Variants in WASHC5 observed in about 807,000 individuals in gnomAD.
The protein encoded by WASHC5 is WASH complex subunit 5.
WASHC5 carries 101 observed loss-of-function variants against 150.4 expected under a neutral mutation model. The ratio of observed to expected loss-of-function variants is 0.67; its 90% CI spans 0.57 to 0.79. The LOEUF (loss-of-function observed/expected upper bound fraction) is 0.79, where lower values mean the gene tolerates loss of function less well. Among genes scored for constraint, WASHC5 ranks in the 30% least tolerant of loss-of-function variants. The pLI is 0.00. For missense variants in WASHC5, 1,195 were observed against 1,396.3 expected, an observed-to-expected ratio of 0.86 and a Z score of 2.30; for synonymous variants, 467 against 491.2, an observed-to-expected ratio of 0.95 and a Z score of 0.65.
intron 26 of WASHC5, chr8:125,032,735 T>C: frequency 3.0e-6 from 1 of 335,594 alleles, no homozygotes. Context: ...CTGACTTCTG[T>C]TAACGGCAGC....
chr8:125,032,491 T>C lies in WASHC5; in HGVS notation c.3182-97A>G, dbSNP rs1815571371. 3.2e-6 allele frequency: 4 copies of C among 1,263,704 alleles called. No individual in the cohort carries two copies. In the African/African-American group the frequency reaches 4.4e-5, roughly 14 times the overall value. 78.3% of individuals were successfully genotyped at this position (1,263,704 alleles called of 1,614,324 possible). The stretch of plus-strand genomic sequence containing the variant: ...TGAAGGTCAAAATGTTTGGGGCCCA[T>C]ATTCTCGCTGGCAGATGATATTTTG... On this transcript the variant is annotated intron_variant, in intron 26 of 28. Coordinates refer to ENST00000318410, the MANE Select transcript of WASHC5 (RefSeq NM_014846.4).
intron 1 of WASHC5, among the ~76,000 whole-genome samples, chr8:125,086,756 C>T (rs189450901): frequency 2.0e-5 from 3 of 152,238 alleles, no homozygotes; most frequent in East Asian, 1.9e-4. Context: ...TTTGGGTGTC[C>T]GAAGCTGCCA....
At chr8:125,068,712 T>A (rs1360048244) in intron 9 of WASHC5, among the ~76,000 whole-genome samples, 1 of 152,194 alleles carries the variant, frequency 6.6e-6, no homozygotes, top group African/African-American at 2.4e-5. Flanking sequence ...CTGGCCATCC[T>A]GCTTCTTGTA....
intron 1 of WASHC5, among the ~76,000 whole-genome samples, chr8:125,084,944 A>G (rs141404858): frequency 1.3e-5 from 2 of 152,240 alleles, no homozygotes; most frequent in Non-Finnish European, 2.9e-5. Context: ...AGCCAGGATC[A>G]TTAAAAGAGT....
At chr8:125,083,679 A>G in intron 2 of WASHC5, 34 bp downstream of exon 2, 1 of 1,526,876 alleles carries the variant, frequency 6.5e-7, no homozygotes, top group Non-Finnish European at 9.0e-7. Context: ...TTTGTAGAAA[A>G]GACAACAATA....
Position 125,028,693 on chromosome 8 carries a change from T to A in WASHC5, c.3350A>T (p.Glu1117Val), listed in dbSNP as rs1398236002. 6.2e-7 allele frequency: 1 copy of A among 1,613,594 alleles called. No homozygotes were observed. The highest frequency in any genetic ancestry group is 1.7e-5 in the Admixed American group (1 of 60,016). Residue 1117 changes from glutamate to valine, a missense_variant, in exon 28 of 29, where the codon GAA becomes GTA. Glu to Val is a moderately radical substitution (Grantham distance 121). Transcript: ENST00000318410. ...VEQCTSQKIP[E>V]IPADVVGALL... Reference sequence around the variant, plus strand: ...GGCACCCACAACATCTGCAGGAATTTCAGGTATCTTCTGGCTGTGATAGAG... The same window carrying A: ...GGCACCCACAACATCTGCAGGAATTACAGGTATCTTCTGGCTGTGATAGAG...
At chr8:125,078,984 T>G in intron 5 of WASHC5, 54 bp from the exon 6 acceptor site, 1 of 1,460,252 alleles carries the variant, frequency 6.8e-7, no homozygotes, top group East Asian at 2.3e-5. Context: ...TATTAGAAAC[T>G]GAAAAGTCCA....
At chr8:125,031,137 A>T (rs1476387660) in intron 27 of WASHC5, among the ~76,000 whole-genome samples, 1 of 152,214 alleles carries the variant, frequency 6.6e-6, no homozygotes, top group Non-Finnish European at 1.5e-5. Flanking sequence ...GTGTTCCAGC[A>T]GTGGCTGCAT....
chr8:125,082,614 A>G (rs1586389397), intron 3 of WASHC5, 147 bp from the exon 4 acceptor site: 2 of 640,784 alleles, frequency 3.1e-6, no homozygotes, highest in East Asian at 5.5e-5. Context: ...TTAAGAATAC[A>G]GTCTTATAAA....
intron 26 of WASHC5, among the ~76,000 whole-genome samples, chr8:125,034,557 C>T (rs1164667882): frequency 5.3e-5 from 8 of 152,022 alleles, no homozygotes; most frequent in African/African-American, 1.7e-4. Context: ...CAAATAATGG[C>T]GAGGATGTGG....
chr8:125,036,409 C>T (rs145653951), intron 26 of WASHC5, among the ~76,000 whole-genome samples: 235 of 152,298 alleles, frequency 1.5e-3, no homozygotes, highest in African/African-American at 5.2e-3. Context: ...CAATGGCTCA[C>T]GCCTGTAATC....
intron 1 of WASHC5, among the ~76,000 whole-genome samples, chr8:125,090,659 C>T (rs994880980): frequency 6.6e-5 from 10 of 152,192 alleles, no homozygotes; most frequent in Non-Finnish European, 1.2e-4. Context: ...GGCATGACAT[C>T]CTTACACCAA....
intron 23 of WASHC5, 21 bp downstream of exon 23, chr8:125,043,804 A>AC (rs1388335880): frequency 6.5e-7 from 1 of 1,543,846 alleles, no homozygotes; most frequent in Non-Finnish European, 9.0e-7. Context: ...TTGACTGTAC[A>AC]CCCTCTCTTC....
chr8:125,026,825 T>C (rs1198985498), intron 28 of WASHC5, among the ~76,000 whole-genome samples: 5 of 152,120 alleles, frequency 3.3e-5, no homozygotes, highest in Admixed American at 2.0e-4. Context: ...CTTGATATAA[T>C]ATTTTAATAT....
At chr8:125,059,154 A>T in intron 14 of WASHC5, 68 bp downstream of exon 14, 2 of 1,103,090 alleles carry the variant, frequency 1.8e-6, no homozygotes, top group Non-Finnish European at 2.8e-6. Context: ...GGGCTGAATT[A>T]ATGAATGAGG....
chr8:125,034,509 A>C (rs886381226), intron 26 of WASHC5, among the ~76,000 whole-genome samples: 1 of 152,120 alleles, frequency 6.6e-6, no homozygotes, highest in African/African-American at 2.4e-5. Context: ...TTTCAGAAAA[A>C]AAAAAAGAAT....
chr8:125,044,077 A>G lies in WASHC5; in HGVS notation c.2685T>C (p.Phe895=). The change falls in exon 22 of 29, where the codon TTT becomes TTC. Residue 895 remains phenylalanine (F), a synonymous_variant. Transcript: ENST00000318410. ...VKELQNFLSM[F]QKIILRDRTV... The stretch of plus-strand genomic sequence containing the variant: ...TTCTGTCTCTCAGGATAATTTTCTG[A>G]AACATACTGAGGAAATTCTAAAAAC... 1 of 1,611,000 alleles carries G rather than the reference A, an allele frequency of 6.2e-7. No homozygotes were observed.
Position 125,032,271 on chromosome 8 carries a change from A to T in WASHC5, c.3305T>A (p.Phe1102Tyr). ...TEQFLALIGQ[F>Y]ICSTVEQCTS... ...ACACTGCTCCACCGTGGAGCAGATA[A>T]ACTGGCCAATCAGCGCCAGGAACTG... The change falls in exon 27 of 29, where the codon TTT (phenylalanine) becomes TAT (tyrosine). Residue 1102 changes from phenylalanine to tyrosine, a missense_variant. By Grantham distance (22) the Phe-to-Tyr change is conservative. This residue lies in a region of WASHC5 where 997 missense variants were observed against 1,168.1 expected (regional missense o/e 0.85). Coordinates refer to ENST00000318410, the MANE Select transcript of WASHC5 (RefSeq NM_014846.4). 6.2e-7 allele frequency: 1 copy of T among 1,614,180 alleles called. No homozygotes were observed. Among genetic ancestry groups the T allele is most frequent in the Non-Finnish European group, 8.5e-7 (1 of 1,180,032 alleles).
At chr8:125,087,934 G>A (rs1328805353) in intron 1 of WASHC5, among the ~76,000 whole-genome samples, 1 of 152,070 alleles carries the variant, frequency 6.6e-6, no homozygotes, top group African/African-American at 2.4e-5. Flanking sequence ...GATAAGTGCC[G>A]TGAAGAAAAA....
Sources: allele counts gnomAD v4.1 joint callset (sites outside exome capture counted in the v4.1 genomes callset), GRCh38; gene constraint gnomAD v4.1.1; regional missense constraint gnomAD v4.1.1; transcripts MANE v1.5; gene names NCBI Gene and HGNC (gene_info 2026-07-23, HGNC 2026-07-21).